Variants in CREB5 observed in about 807,000 individuals in gnomAD.
CREB5 encodes cyclic AMP-responsive element-binding protein 5.
CREB5 carries 19 observed loss-of-function variants against 57.1 expected under a neutral mutation model. The observed-to-expected ratio is 0.33, with a 90% CI of 0.23 to 0.49. The LOEUF (loss-of-function observed/expected upper bound fraction) is 0.49, where lower values mean the gene tolerates loss of function less well. CREB5 is among the 20% of genes least tolerant of loss of function. The pLI, the probability that CREB5 is intolerant of heterozygous loss-of-function variation, is 0.99. For synonymous variants in CREB5, 238 were observed against 238.3 expected (o/e 1.00, Z 0.01); for missense variants, 579 against 671.6 (o/e 0.86, Z 1.52).
rs573967605 is a variant in CREB5 at position 28,379,445 on chromosome 7, G to T, written c.-25+80004G>T. On this transcript the variant is annotated intron_variant, in intron 1 of 9. Coordinates refer to the CREB5 transcript ENST00000396299. Reference sequence around the variant, plus strand: ...CCATTTTGTTTTAAAATCTAGAACAGCTAAGTTCTTTTCTACTAATAATCA... The same window carrying T: ...CCATTTTGTTTTAAAATCTAGAACATCTAAGTTCTTTTCTACTAATAATCA... Among the ~76,000 whole-genome samples the T allele has an allele frequency of 2.0e-5, 3 of 152,322 alleles. No individual in the cohort carries two copies. The East Asian group carries it at 5.8e-4, about 29-fold the overall frequency.
chr7:28,476,342 A>G (rs1351987548), intron 1 of CREB5, among the ~76,000 whole-genome samples: 1 of 152,220 alleles, frequency 6.6e-6, no homozygotes, highest in East Asian at 1.9e-4. Context: ...AAATGTATAC[A>G]TAACTCTGTG....
intron 1 of CREB5, among the ~76,000 whole-genome samples, chr7:28,311,138 C>CAAAAAAAAAAAAAAAA (rs58272820): frequency 3.4e-5 from 4 of 117,550 alleles, no homozygotes; most frequent in Admixed American, 9.6e-5. Flanking sequence ...ACTAAAAATA[C>CAAAAAAAAAAAAAAAA]AAAAAAAAAA....
intron 4 of CREB5, among the ~76,000 whole-genome samples, chr7:28,560,999 CGT>C (rs1218260685): frequency 0.011 from 386 of 34,086 alleles, 83 homozygotes; most frequent in African/African-American, 0.032. Flanking sequence ...TGTGTGCCTG[CGT>C]GTGCGTGTGT....
chr7:28,663,890 G>T (rs1799710090), intron 5 of CREB5, among the ~76,000 whole-genome samples: 1 of 152,158 alleles, frequency 6.6e-6, no homozygotes, highest in African/African-American at 2.4e-5. Flanking sequence ...CATTGAATGG[G>T]GGCCTTAGTA....
intron 5 of CREB5, among the ~76,000 whole-genome samples, chr7:28,610,437 C>T (rs41275): frequency 0.2 from 30,826 of 152,016 alleles, 3,644 homozygotes; most frequent in African/African-American, 0.32. Flanking sequence ...TTTTGTCAGC[C>T]TGGCCTGATG....
At chr7:28,744,771 G>T (rs1408013968) in intron 7 of CREB5, among the ~76,000 whole-genome samples, 1 of 152,190 alleles carries the variant, frequency 6.6e-6, no homozygotes, top group Non-Finnish European at 1.5e-5. Flanking sequence ...GCCCATAGCA[G>T]TTTCCTAAAC....
chr7:28,516,927 G>C (rs541511279), intron 4 of CREB5, among the ~76,000 whole-genome samples: 3 of 152,236 alleles, frequency 2.0e-5, no homozygotes, highest in Admixed American at 1.3e-4. Flanking sequence ...CAGGCACACA[G>C]AGTGGGGTGT....
At chr7:28,592,200 C>T (rs1017787516) in intron 5 of CREB5, among the ~76,000 whole-genome samples, 5 of 152,140 alleles carry the variant, frequency 3.3e-5, no homozygotes, top group African/African-American at 9.7e-5. Context: ...TGTTTTAATT[C>T]GGTAACCTAA....
intron 1 of CREB5, among the ~76,000 whole-genome samples, chr7:28,356,064 A>G (rs1446379412): frequency 2.6e-5 from 4 of 152,222 alleles, no homozygotes; most frequent in Non-Finnish European, 5.9e-5. Flanking sequence ...CTCTGTTCGG[A>G]AGAAGTGAAC....
intron 4 of CREB5, among the ~76,000 whole-genome samples, chr7:28,511,920 T>G (rs1184809570): frequency 6.6e-6 from 1 of 152,088 alleles, no homozygotes; most frequent in Admixed American, 6.5e-5. Context: ...TTGAAAGAAT[T>G]TAGATTAGAG....
intron 5 of CREB5, among the ~76,000 whole-genome samples, chr7:28,626,518 C>G (rs1562534980): frequency 1.3e-5 from 2 of 152,280 alleles, no homozygotes; most frequent in East Asian, 3.9e-4. Flanking sequence ...TAAGGAGCTA[C>G]TAAGTGCTGT....
intron 1 of CREB5, among the ~76,000 whole-genome samples, chr7:28,323,996 G>A (rs1330905349): frequency 6.6e-6 from 1 of 152,108 alleles, no homozygotes; most frequent in Non-Finnish European, 1.5e-5. Context: ...AGAATCCAAT[G>A]CCCGTGCTGA....
chr7:28,800,068 C>A (rs184385543), intron 7 of CREB5, among the ~76,000 whole-genome samples: 2 of 152,168 alleles, frequency 1.3e-5, no homozygotes, highest in African/African-American at 4.8e-5. Flanking sequence ...ATGGTTTCTG[C>A]TCTAAGCTTA....
chr7:28,757,832 C>G (rs932718250), intron 7 of CREB5, among the ~76,000 whole-genome samples: 1 of 152,104 alleles, frequency 6.6e-6, no homozygotes, highest in African/African-American at 2.4e-5. Context: ...TTGAGCATCC[C>G]TAATCTGAAA....
intron 4 of CREB5, among the ~76,000 whole-genome samples, chr7:28,518,948 A>C (rs1793090427): frequency 1.3e-5 from 2 of 152,240 alleles, no homozygotes; most frequent in Admixed American, 6.5e-5. Flanking sequence ...TTCTAAACAC[A>C]GGAAGTTAGA....
At chr7:28,517,611 T>C (rs1793029191) in intron 4 of CREB5, among the ~76,000 whole-genome samples, 1 of 152,148 alleles carries the variant, frequency 6.6e-6, no homozygotes, top group African/African-American at 2.4e-5. Flanking sequence ...TTGGAACTAG[T>C]TGTTCTGGTG....
chr7:28,756,394 A>C (rs1805300932), intron 7 of CREB5, among the ~76,000 whole-genome samples: 1 of 152,004 alleles, frequency 6.6e-6, no homozygotes, highest in Admixed American at 6.6e-5. Flanking sequence ...CTCTACTTTA[A>C]AAAAATACAA....
At chr7:28,453,979 A>T (rs177568) in intron 1 of CREB5, among the ~76,000 whole-genome samples, 67,428 of 139,146 alleles carry the variant, frequency 0.48, 17,131 homozygotes, top group East Asian at 0.64. Flanking sequence ...TTTGAGATGG[A>T]GTCTCGCTCT....
intron 1 of CREB5, among the ~76,000 whole-genome samples, chr7:28,420,932 G>A (rs1788222878): frequency 6.6e-6 from 1 of 152,136 alleles, no homozygotes; most frequent in Non-Finnish European, 1.5e-5. Flanking sequence ...AAAATAGAGT[G>A]TACAGACCAT....
Sources: gnomAD v4.1 joint callset for allele counts (sites outside exome capture counted in the v4.1 genomes callset) on GRCh38, gnomAD v4.1.1 for gene constraint, MANE v1.5 for transcripts, NCBI Gene and HGNC (gene_info 2026-07-23, HGNC 2026-07-21) for gene names.